Variants in FNDC1 observed in about 807,000 individuals in gnomAD.
The protein encoded by FNDC1 is fibronectin type III domain containing 1.
A neutral mutation model predicts 168.0 loss-of-function variants in FNDC1; 96 were observed. The ratio of observed to expected loss-of-function variants is 0.57; its 90% confidence interval spans 0.48 to 0.68. The LOEUF is 0.68. Ranked by LOEUF, FNDC1 falls within the 30% of genes least tolerant of loss-of-function variation. The probability of loss-of-function intolerance (pLI) is 0.00; values close to 1 mark genes in which losing one functional copy is unlikely to be tolerated. For missense variants in FNDC1, 2,587 were observed against 2,482.1 expected, an observed-to-expected ratio of 1.04 and a Z score of -0.90; for synonymous variants, 1,099 against 1,025.9, an observed-to-expected ratio of 1.07 and a Z score of -1.36.
intron 4 of FNDC1, among the ~76,000 whole-genome samples, chr6:159,213,352 C>T (rs868860806): frequency 6.6e-6 from 1 of 152,218 alleles, no homozygotes; most frequent in Non-Finnish European, 1.5e-5. Flanking sequence ...TGGAACTTCA[C>T]TCCTGACTCC....
At position 159,181,104 on chromosome 6, in the gene FNDC1, T is replaced by G. The variant is rs1781868088; in HGVS notation, c.109+11399T>G. ...CTAATTTACATTCCCATCAACAATG[T>G]AAAAACGTTCCTATTTCTCCATAAC... On this transcript the variant is annotated intron_variant, in intron 1 of 22. Transcript: ENST00000297267. Among the ~76,000 whole-genome samples, 3 of 152,358 alleles carry G rather than the reference T, an allele frequency of 2.0e-5. No individual in the cohort carries two copies. In the South Asian group the frequency reaches 6.2e-4, roughly 32 times the overall value.
At chr6:159,221,368 TA>T (rs1043961985) in intron 5 of FNDC1, among the ~76,000 whole-genome samples, 1 of 152,342 alleles carries the variant, frequency 6.6e-6, no homozygotes, top group African/African-American at 2.4e-5. Context: ...GAATTACTGG[TA>T]AAAAATCAGT....
chr6:159,266,670 G>C (rs1777599768), intron 21 of FNDC1, among the ~76,000 whole-genome samples: 3 of 106,824 alleles, frequency 2.8e-5, no homozygotes, highest in African/African-American at 6.8e-5. Flanking sequence ...AATTCTATTA[G>C]AAATCTAGGG....
chr6:159,174,956 TA>T (rs1053858930), intron 1 of FNDC1, among the ~76,000 whole-genome samples: 6 of 152,238 alleles, frequency 3.9e-5, no homozygotes, highest in Admixed American at 6.5e-5. Flanking sequence ...ATTACAATTA[TA>T]ATGTCAAATT....
chr6:159,170,757 AG>A (rs891230933), intron 1 of FNDC1, among the ~76,000 whole-genome samples: 1 of 152,332 alleles, frequency 6.6e-6, no homozygotes, highest in African/African-American at 2.4e-5. Flanking sequence ...TGCTTGGCTC[AG>A]GTTTATGCGA....
chr6:159,170,914 C>A (rs1781641647), intron 1 of FNDC1, among the ~76,000 whole-genome samples: 1 of 152,182 alleles, frequency 6.6e-6, no homozygotes. Context: ...AGTCTTCCAA[C>A]TTCCCCACCT....
intron 22 of FNDC1, among the ~76,000 whole-genome samples, chr6:159,268,455 C>A (rs939649378): frequency 2.0e-5 from 3 of 152,102 alleles, no homozygotes; most frequent in Non-Finnish European, 4.4e-5. Context: ...ACATGAATTA[C>A]CCATTTTCAA....
intron 6 of FNDC1, among the ~76,000 whole-genome samples, chr6:159,223,290 C>G (rs924989300): frequency 5.9e-5 from 9 of 152,212 alleles, no homozygotes; most frequent in African/African-American, 2.2e-4. Flanking sequence ...ACCACCACAC[C>G]TGGCCGAAAT....
chr6:159,247,623 C>T (rs1361739524), intron 15 of FNDC1, among the ~76,000 whole-genome samples: 1 of 152,100 alleles, frequency 6.6e-6, no homozygotes, highest in African/African-American at 2.4e-5. Context: ...GGAGCACACA[C>T]CTGTAGGTCC....
chr6:159,266,195 T>G lies in FNDC1; in HGVS notation c.5396T>G (p.Val1799Gly). The change falls in exon 21 of 23, where the codon GTT becomes GGT. Residue 1799 changes from valine to glycine, a missense_variant. Physicochemically the swap from Val to Gly is moderately radical, Grantham distance 109. Coordinates refer to ENST00000297267, the MANE Select transcript of FNDC1 (RefSeq NM_032532.3). The stretch of plus-strand genomic sequence containing the variant: ...TGGTATCGAAAGTTCGTGGGAGTTG[T>G]TCTTTGTAATTCACTGAGGTATAAA... ...RTWYRKFVGVVLCNSLRYKIY... is the reference protein window; with the variant it reads ...RTWYRKFVGVGLCNSLRYKIY... The G allele has an allele frequency of 6.2e-7, 1 of 1,613,980 alleles. No homozygotes were observed. Among genetic ancestry groups the G allele is most frequent in the Non-Finnish European group, 8.5e-7 (1 of 1,179,882 alleles).
At chr6:159,268,806 A>G (rs1049295593) in intron 22 of FNDC1, among the ~76,000 whole-genome samples, 13 of 150,714 alleles carry the variant, frequency 8.6e-5, no homozygotes, top group African/African-American at 2.5e-4. Flanking sequence ...GTATCTATCT[A>G]TTCATCTATC....
intron 1 of FNDC1, among the ~76,000 whole-genome samples, chr6:159,190,368 T>C (rs886954017): frequency 6.6e-6 from 1 of 152,252 alleles, no homozygotes; most frequent in Non-Finnish European, 1.5e-5. Flanking sequence ...CTTCTTTCTT[T>C]ACCTGGTGGC....
intron 4 of FNDC1, among the ~76,000 whole-genome samples, chr6:159,202,389 A>G (rs1782399771): frequency 6.6e-6 from 1 of 152,242 alleles, no homozygotes; most frequent in African/African-American, 2.4e-5. Context: ...GGCTTGGAAA[A>G]TATGATCTGC....
At chr6:159,183,324 C>T (rs758666127) in intron 1 of FNDC1, among the ~76,000 whole-genome samples, 20 of 152,202 alleles carry the variant, frequency 1.3e-4, no homozygotes, top group Non-Finnish European at 2.2e-4. Context: ...CATTGGGGGA[C>T]ATTCCCTTCT....
At chr6:159,253,529 T>C (rs1777314817) in intron 17 of FNDC1, among the ~76,000 whole-genome samples, 1 of 152,224 alleles carries the variant, frequency 6.6e-6, no homozygotes, top group South Asian at 2.1e-4. Flanking sequence ...AGTCAATGTG[T>C]AATGAAGTGG....
At position 159,232,445 on chromosome 6, in the gene FNDC1, G is replaced by T; in HGVS notation, c.1933G>T (p.Val645Leu). 1 of 1,611,850 alleles carries T rather than the reference G, an allele frequency of 6.2e-7. No individual in the cohort carries two copies. Among genetic ancestry groups the T allele is most frequent in the Non-Finnish European group, 8.5e-7 (1 of 1,178,484 alleles). Reference sequence around the variant, plus strand: ...TGCCAGCTTGAATGACAACGACTTGGTGGACTCAGACGAAGATGAGCGCGC... The same window carrying T: ...TGCCAGCTTGAATGACAACGACTTGTTGGACTCAGACGAAGATGAGCGCGC... ...LPASLNDNDL[V>L]DSDEDERAVG... Residue 645 changes from valine to leucine, a missense_variant, in exon 11 of 23, where the codon GTG becomes TTG. By Grantham distance (32) the Val-to-Leu change is conservative. Transcript: ENST00000297267. This position sits in a 1 kb window ranked among gnomAD's most constrained non-coding sequence, Gnocchi z 4.9.
At chr6:159,271,194 T>G in intron 22 of FNDC1, 133 bp from the exon 23 acceptor site, 1 of 650,130 alleles carries the variant, frequency 1.5e-6, no homozygotes, top group Non-Finnish European at 2.8e-6. Context: ...ATGGTTCAGT[T>G]TATTTGAAAG....
At chr6:159,250,583 A>T (rs1204260252) in intron 16 of FNDC1, among the ~76,000 whole-genome samples, 4 of 152,164 alleles carry the variant, frequency 2.6e-5, no homozygotes, top group Non-Finnish European at 1.5e-5. Flanking sequence ...ACAGCCTGCT[A>T]TCTGATCCTT....
At position 159,179,828 on chromosome 6, in the gene FNDC1, TTA is replaced by T. The variant is rs539789148; in HGVS notation, c.109+10124_109+10125del. ...ATGACTGGATGTGCTTTCTTTGGTA[TTA>T]GTTACATATGATATACCTAAATATA... On this transcript the variant is annotated intron_variant, in intron 1 of 22. Coordinates refer to ENST00000297267, the MANE Select transcript of FNDC1 (RefSeq NM_032532.3). Among the ~76,000 whole-genome samples the T allele has an allele frequency of 2.7e-4, 41 of 152,302 alleles. No homozygotes were observed. In the East Asian group the frequency reaches 5.8e-3, roughly 21 times the overall value.
Sources: allele counts gnomAD v4.1 joint callset (sites outside exome capture counted in the v4.1 genomes callset), GRCh38; gene constraint gnomAD v4.1.1; non-coding constraint Gnocchi (gnomAD v3.1); transcripts MANE v1.5; gene names NCBI Gene and HGNC (gene_info 2026-07-23, HGNC 2026-07-21).